Variants in AEBP2 observed in about 807,000 individuals in gnomAD.
The protein encoded by AEBP2 is AE binding protein 2.
In AEBP2, 10 loss-of-function variants were observed where a neutral mutation model predicts 50.8. That is an observed-to-expected ratio of 0.20 (90% CI 0.12 to 0.33). The LOEUF is 0.33. Among genes scored for constraint, AEBP2 ranks in the 10% least tolerant of loss-of-function variants. AEBP2 has a pLI of 1.00. For missense variants in AEBP2, 570 were observed against 688.0 expected (o/e 0.83, Z 1.92); for synonymous variants, 296 against 261.3 (o/e 1.13, Z -1.28).
intron 1 of AEBP2, among the ~76,000 whole-genome samples, chr12:19,411,851 A>C (rs1187967241): frequency 6.6e-6 from 1 of 152,238 alleles, no homozygotes; most frequent in Non-Finnish European, 1.5e-5. Context: ...TCTAAAAATT[A>C]TTGCGCACAT....
intron 1 of AEBP2, among the ~76,000 whole-genome samples, chr12:19,441,387 A>G (rs775088077): frequency 3.3e-4 from 50 of 152,332 alleles, no homozygotes; most frequent in Non-Finnish European, 5.0e-4. Context: ...AATCACATGC[A>G]TATTATGCCA....
intron 1 of AEBP2, among the ~76,000 whole-genome samples, chr12:19,443,923 T>C (rs1439278217): frequency 6.6e-6 from 1 of 152,218 alleles, no homozygotes; most frequent in Non-Finnish European, 1.5e-5. Flanking sequence ...TTTATTTTAG[T>C]AAATTTAGAA....
chr12:19,450,526 T>G (rs544856944), intron 1 of AEBP2, among the ~76,000 whole-genome samples: 1 of 142,480 alleles, frequency 7.0e-6, no homozygotes, highest in South Asian at 2.4e-4. Context: ...GATAAAAGTT[T>G]TGCATACTAG....
chr12:19,440,002 G>A lies in AEBP2; in HGVS notation c.303G>A (p.Glu101=). 1.3e-6 allele frequency: 2 copies of A among 1,525,502 alleles called. No individual in the cohort carries two copies. Among genetic ancestry groups the A allele is most frequent in the Non-Finnish European group, 1.8e-6 (2 of 1,142,388 alleles). The allele number at this position is 1,525,502 out of a possible 1,614,324, so 94.5% of individuals were successfully genotyped here. The change falls in exon 1 of 8, where the codon GAG becomes GAA. Residue 101 remains glutamate, a synonymous_variant. Coordinates refer to ENST00000266508, the MANE Select transcript of AEBP2 (RefSeq NM_153207.5). ...CCGGGGAGGACGAAGACGAGGAGGAGGACGACGAGGAGGAGGAAGATGAGA... is the reference window on the plus strand; with the variant it reads ...CCGGGGAGGACGAAGACGAGGAGGAAGACGACGAGGAGGAGGAAGATGAGA... The part of the protein sequence containing the change: ...SQAGEDEDEE[E]DDEEEEDESS...
At chr12:19,429,071 C>T (rs1392043276) in intron 1 of AEBP2, among the ~76,000 whole-genome samples, 1 of 152,146 alleles carries the variant, frequency 6.6e-6, no homozygotes, top group Admixed American at 6.5e-5. Context: ...TGGTGTGCTG[C>T]ATCTATTAAC....
intron 3 of AEBP2, among the ~76,000 whole-genome samples, chr12:19,485,582 A>G (rs1191453155): frequency 1.3e-5 from 2 of 151,796 alleles, no homozygotes; most frequent in Admixed American, 1.3e-4. Context: ...GTTGGCATGT[A>G]CCTGTAGACC....
chr12:19,493,712 T>A, intron 3 of AEBP2, 88 bp from the exon 4 acceptor site: 1 of 1,264,170 alleles, frequency 7.9e-7, no homozygotes. Context: ...CTTATTTACT[T>A]CCGAAAATAC....
chr12:19,461,426 A>G (rs986629726), intron 1 of AEBP2, among the ~76,000 whole-genome samples: 1 of 152,202 alleles, frequency 6.6e-6, no homozygotes, highest in African/African-American at 2.4e-5. Context: ...AAGAGTTACT[A>G]CTGTGTAATA....
chr12:19,441,158 T>C (rs1358156757), intron 1 of AEBP2, among the ~76,000 whole-genome samples: 2 of 152,234 alleles, frequency 1.3e-5, no homozygotes, highest in Non-Finnish European at 2.9e-5. Context: ...AGAGTCATGA[T>C]TTTAAATGAT....
At chr12:19,477,449 G>C (rs1049012522) in intron 3 of AEBP2, among the ~76,000 whole-genome samples, 4 of 152,100 alleles carry the variant, frequency 2.6e-5, no homozygotes, top group Non-Finnish European at 5.9e-5. Context: ...TGTTTATTAC[G>C]TTAAGGTATG....
chr12:19,445,543 G>A (rs1373549975), intron 1 of AEBP2, among the ~76,000 whole-genome samples: 1 of 152,102 alleles, frequency 6.6e-6, no homozygotes, highest in Non-Finnish European at 1.5e-5. Context: ...AAATGCTGGG[G>A]ATACAGCAGG....
intron 1 of AEBP2, among the ~76,000 whole-genome samples, chr12:19,448,548 C>G (rs1363029632): frequency 6.6e-6 from 1 of 151,780 alleles, no homozygotes; most frequent in Non-Finnish European, 1.5e-5. Context: ...TCTGCACTCA[C>G]TCAGTATGTC....
chr12:19,460,572 T>A (rs1235197883), intron 1 of AEBP2, among the ~76,000 whole-genome samples: 3 of 152,058 alleles, frequency 2.0e-5, no homozygotes, highest in African/African-American at 7.2e-5. Flanking sequence ...CAGGCTGGTC[T>A]TGAACTCCTG....
intron 1 of AEBP2, among the ~76,000 whole-genome samples, chr12:19,461,169 A>G (rs899074284): frequency 6.6e-5 from 10 of 152,172 alleles, no homozygotes; most frequent in African/African-American, 1.9e-4. Flanking sequence ...AATTTTCACA[A>G]CTTGACTTGT....
rs1373437823 is a variant in AEBP2, at chr12:19,518,517, C to A, written c.*400C>A. On this transcript the variant is annotated 3_prime_UTR_variant, in exon 8 of 8. Transcript: ENST00000266508. ...AAAACAATTACAACATGTGCCCTTA[C>A]AAATACCAAAAGCACTGTAAGGATA... 6.4e-6 allele frequency: 8 copies of A among 1,255,904 alleles called. No individual in the cohort carries two copies. Among genetic ancestry groups the A allele is most frequent in the Non-Finnish European group, 8.0e-6 (8 of 995,774 alleles). The allele number at this position is 1,255,904 out of a possible 1,614,324, so 77.8% of individuals were successfully genotyped here.
At chr12:19,503,591 C>A (rs1342474968) in intron 5 of AEBP2, among the ~76,000 whole-genome samples, 1 of 151,554 alleles carries the variant, frequency 6.6e-6, no homozygotes, top group Non-Finnish European at 1.5e-5. Context: ...ATTTGGATGC[C>A]TTTTATTGAT....
At chr12:19,443,526 G>T (rs976494367) in intron 1 of AEBP2, among the ~76,000 whole-genome samples, 4 of 150,258 alleles carry the variant, frequency 2.7e-5, no homozygotes, top group African/African-American at 9.8e-5. Flanking sequence ...TCCAAGACCA[G>T]CCTGGACAAC....
At chr12:19,474,062 A>G (rs1948613256) in intron 3 of AEBP2, among the ~76,000 whole-genome samples, 1 of 152,184 alleles carries the variant, frequency 6.6e-6, no homozygotes, top group Admixed American at 6.5e-5. Flanking sequence ...AAATTGTAGG[A>G]CATTAAAGGA....
chr12:19,494,392 C>T (rs536402307), intron 4 of AEBP2, among the ~76,000 whole-genome samples: 7 of 151,718 alleles, frequency 4.6e-5, no homozygotes, highest in Non-Finnish European at 8.8e-5. Context: ...GCCGTGATCG[C>T]GCCACCACAC....
Sources: gnomAD v4.1 joint callset for allele counts (sites outside exome capture counted in the v4.1 genomes callset) on GRCh38, gnomAD v4.1.1 for gene constraint, MANE v1.5 for transcripts, NCBI Gene and HGNC (gene_info 2026-07-23, HGNC 2026-07-21) for gene names.